STIM1: variants seen among roughly 807,000 people sequenced by gnomAD.
The protein encoded by STIM1 is stromal interaction molecule 1.
In STIM1, 25 loss-of-function variants were observed where a neutral mutation model predicts 74.7. The observed-to-expected ratio is 0.33, with a 90% confidence interval of 0.24 to 0.47. The LOEUF (loss-of-function observed/expected upper bound fraction) is 0.47, where lower values mean the gene tolerates loss of function less well. Ranked by LOEUF, STIM1 falls within the 20% of genes least tolerant of loss-of-function variation. The pLI is 1.00. For missense variants in STIM1, 728 were observed against 920.8 expected (o/e 0.79, Z 2.71); for synonymous variants, 328 against 348.8 (o/e 0.94, Z 0.66).
chr11:3,905,206 G>A (rs973659988), intron 1 of STIM1, among the ~76,000 whole-genome samples: 2 of 152,082 alleles, frequency 1.3e-5, no homozygotes, highest in Admixed American at 1.3e-4. Context: ...GGTGACAGCA[G>A]TTTCAGTGGA....
At chr11:3,975,297 A>G (rs1223699073) in intron 2 of STIM1, among the ~76,000 whole-genome samples, 3 of 152,250 alleles carry the variant, frequency 2.0e-5, no homozygotes, top group Admixed American at 2.0e-4. Context: ...CCCAACACAA[A>G]GAATTCTCAA....
At chr11:3,933,042 C>G (rs1024664728) in intron 1 of STIM1, among the ~76,000 whole-genome samples, 4 of 152,188 alleles carry the variant, frequency 2.6e-5, no homozygotes, top group African/African-American at 9.7e-5. Context: ...CTTGGTGTCT[C>G]ATATTTATTA....
chr11:4,004,717 A>G (rs1349012443), intron 2 of STIM1, among the ~76,000 whole-genome samples: 1 of 151,686 alleles, frequency 6.6e-6, no homozygotes, highest in Non-Finnish European at 1.5e-5. Context: ...AATGGCAACA[A>G]AAGCCAAAAT....
chr11:3,977,087 G>A (rs530595017), intron 2 of STIM1, among the ~76,000 whole-genome samples: 2 of 152,138 alleles, frequency 1.3e-5, no homozygotes, highest in Non-Finnish European at 2.9e-5. Flanking sequence ...GAGCCACCAC[G>A]CCTGGCCCCT....
intron 2 of STIM1, among the ~76,000 whole-genome samples, chr11:4,010,461 G>A (rs1411974917): frequency 6.6e-6 from 1 of 152,138 alleles, no homozygotes; most frequent in Admixed American, 6.5e-5. Flanking sequence ...ATGAGCCACT[G>A]CGCCCGGCCA....
intron 1 of STIM1, among the ~76,000 whole-genome samples, chr11:3,882,279 A>G (rs1313523368): frequency 6.6e-6 from 1 of 150,694 alleles, no homozygotes; most frequent in Non-Finnish European, 1.5e-5. Context: ...TTGCAGTTTT[A>G]GTAGAGACGG....
rs1166817165 is a variant in STIM1 at position 3,962,066 on chromosome 11, A to T, written c.140-5486A>T. 2.0e-5 allele frequency among the ~76,000 whole-genome samples: 3 copies of T among 152,330 alleles called. No individual in the cohort carries two copies. The East Asian group carries it at 5.8e-4, about 29-fold the overall frequency. Reference sequence around the variant, plus strand: ...AGGTGTCTGTAAAAGTTCTTTTAGAAAAGTGTCTTATATTTTATTTTTATA... The same window carrying T: ...AGGTGTCTGTAAAAGTTCTTTTAGATAAGTGTCTTATATTTTATTTTTATA... On this transcript the variant is annotated intron_variant, in intron 1 of 12. Transcript: ENST00000526596.
intron 2 of STIM1, among the ~76,000 whole-genome samples, chr11:4,011,799 A>C (rs1306615754): frequency 1.3e-5 from 2 of 152,190 alleles, no homozygotes; most frequent in Non-Finnish European, 2.9e-5. Flanking sequence ...GTCTTTGCCC[A>C]TGCCTATGTC....
chr11:3,899,067 T>C (rs1198665533), intron 1 of STIM1, among the ~76,000 whole-genome samples: 3 of 150,956 alleles, frequency 2.0e-5, no homozygotes, highest in East Asian at 3.9e-4. Flanking sequence ...TCATTGGTAG[T>C]TTGATGGGGA....
intron 4 of STIM1, among the ~76,000 whole-genome samples, chr11:4,056,360 A>G (rs765267886): frequency 1.3e-5 from 2 of 152,300 alleles, no homozygotes; most frequent in South Asian, 2.1e-4. Flanking sequence ...TGTCATGTCA[A>G]ACTAGTGCCA....
rs575377621 is a variant in STIM1 at position 3,967,822 on chromosome 11, TG to T, written c.270+142del. The T allele has an allele frequency of 3.8e-4, 484 of 1,265,250 alleles. 7 individuals carry two copies. The South Asian group carries it at 5.7e-3, about 15-fold the overall frequency. The allele number at this position is 1,265,250 out of a possible 1,614,324, so 78.4% of individuals were successfully genotyped here. A position where few individuals can be genotyped will look rare whatever the true frequency, so the allele number is the denominator to read the frequency against. ...AGGAACTCATCCCTATCAGGGAAGATGGCTCCCAGAAGAGCAGCCCTCTAGG... is the reference window on the plus strand; with the variant it reads ...AGGAACTCATCCCTATCAGGGAAGATGCTCCCAGAAGAGCAGCCCTCTAGG... On this transcript the variant is annotated intron_variant, in intron 2 of 12. Transcript: ENST00000526596.
intron 1 of STIM1, among the ~76,000 whole-genome samples, chr11:3,896,680 C>T (rs2092188300): frequency 6.6e-6 from 1 of 152,122 alleles, no homozygotes; most frequent in African/African-American, 2.4e-5. Context: ...AGGGAGCCCC[C>T]CAAATAATTG....
At chr11:3,889,707 G>A (rs2091839853) in intron 1 of STIM1, among the ~76,000 whole-genome samples, 1 of 151,824 alleles carries the variant, frequency 6.6e-6, no homozygotes, top group Admixed American at 6.6e-5. Flanking sequence ...CTTTTTTGAG[G>A]GTCTGGCCTC....
At chr11:3,891,297 GT>G (rs60284384) in intron 1 of STIM1, among the ~76,000 whole-genome samples, 2 of 148,282 alleles carry the variant, frequency 1.3e-5, no homozygotes. Flanking sequence ...TATTTTTCAT[GT>G]TTTTTTTTTG....
intron 1 of STIM1, among the ~76,000 whole-genome samples, chr11:3,886,812 G>A (rs2091728603): frequency 6.6e-6 from 1 of 151,706 alleles, no homozygotes; most frequent in Non-Finnish European, 1.5e-5. Context: ...GATCATCCTG[G>A]ATAACATGGT....
chr11:3,891,165 T>C (rs1181326367), intron 1 of STIM1, among the ~76,000 whole-genome samples: 1 of 152,238 alleles, frequency 6.6e-6, no homozygotes, highest in Non-Finnish European at 1.5e-5. Flanking sequence ...TCTCATTTTG[T>C]AGATGAAGAA....
chr11:3,935,432 A>G (rs1053319038), intron 1 of STIM1, among the ~76,000 whole-genome samples: 1 of 152,216 alleles, frequency 6.6e-6, no homozygotes, highest in African/African-American at 2.4e-5. Context: ...GAAGTTGGTG[A>G]GGCTGAAGTA....
intron 7 of STIM1, among the ~76,000 whole-genome samples, chr11:4,074,947 T>C (rs1220269171): frequency 2.0e-5 from 3 of 152,146 alleles, no homozygotes; most frequent in South Asian, 2.1e-4. Flanking sequence ...AAGATCAGCC[T>C]GGCCAACATG....
chr11:4,040,122 C>G (rs2920143), intron 3 of STIM1, among the ~76,000 whole-genome samples: 66,259 of 151,968 alleles, frequency 0.44, 16,176 homozygotes, highest in Non-Finnish European at 0.55. Flanking sequence ...CTGTAGTTCT[C>G]TGTTATTCCT....
Sources: allele counts gnomAD v4.1 joint callset (sites outside exome capture counted in the v4.1 genomes callset), GRCh38; gene constraint gnomAD v4.1.1; transcripts MANE v1.5; gene names NCBI Gene and HGNC (gene_info 2026-07-23, HGNC 2026-07-21).